Variants in STXBP5L observed in about 807,000 individuals in gnomAD.
The protein encoded by STXBP5L is syntaxin binding protein 5L, also known as syntaxin-binding protein 5-like.
In STXBP5L, 65 loss-of-function variants were observed where a neutral mutation model predicts 144.5. The observed-to-expected ratio is 0.45, with a 90% CI of 0.37 to 0.55. STXBP5L has a LOEUF of 0.55. Among genes scored for constraint, STXBP5L ranks in the 20% least tolerant of loss-of-function variants. The probability of loss-of-function intolerance (pLI) is 0.00; values close to 1 mark genes in which losing one functional copy is unlikely to be tolerated. For missense variants in STXBP5L, 1,298 were observed against 1,405.5 expected (o/e 0.92, Z 1.22); for synonymous variants, 505 against 469.6 (o/e 1.08, Z -0.97).
intron 2 of STXBP5L, among the ~76,000 whole-genome samples, chr3:120,920,676 A>G (rs916739614): frequency 2.0e-5 from 3 of 151,748 alleles, no homozygotes; most frequent in African/African-American, 7.2e-5. Context: ...GCCTCTGGCA[A>G]ACAATATACT....
In STXBP5L at chr3:121,114,914, C is replaced by T. The variant is rs754145577; in HGVS notation, c.471-11C>T. 6.8e-7 allele frequency: 1 copy of T among 1,470,328 alleles called. No individual in the cohort carries two copies. Among genetic ancestry groups the T allele is most frequent in the East Asian group, 2.6e-5 (1 of 38,980 alleles). The allele number at this position is 1,470,328 out of a possible 1,614,324, so 91.1% of individuals were successfully genotyped here. On this transcript the variant is annotated splice_polypyrimidine_tract_variant and intron_variant, in intron 5 of 26. Transcript: ENST00000471454. ...ATTTAGATATTTTAATTATAATTTT[C>T]TTTCTTTCAGAATTACTTACTGTCA...
chr3:121,020,157 G>A (rs1363918535), intron 3 of STXBP5L, among the ~76,000 whole-genome samples: 1 of 152,052 alleles, frequency 6.6e-6, no homozygotes, highest in Non-Finnish European at 1.5e-5. Flanking sequence ...CAATAATATT[G>A]AACAAGTAGA....
chr3:121,342,450 A>C (rs2044750676), intron 20 of STXBP5L, among the ~76,000 whole-genome samples: 1 of 150,438 alleles, frequency 6.6e-6, no homozygotes, highest in Non-Finnish European at 1.5e-5. Context: ...GCACCCATTA[A>C]CTCGTCATTT....
At chr3:121,097,564 G>T (rs1576946402) in intron 5 of STXBP5L, among the ~76,000 whole-genome samples, 1 of 152,124 alleles carries the variant, frequency 6.6e-6, no homozygotes, top group Non-Finnish European at 1.5e-5. Context: ...TTGGTTAGGG[G>T]AGAAAATTTC....
chr3:121,405,291 T>C (rs2046970724), intron 22 of STXBP5L, among the ~76,000 whole-genome samples: 1 of 152,160 alleles, frequency 6.6e-6, no homozygotes, highest in South Asian at 2.1e-4. Context: ...TTTTCAAGAA[T>C]TCCTATCTTC....
chr3:121,179,612 A>C (rs1047545722), intron 9 of STXBP5L, among the ~76,000 whole-genome samples: 2 of 152,196 alleles, frequency 1.3e-5, no homozygotes, highest in Non-Finnish European at 2.9e-5. Context: ...CAGATAAAGA[A>C]TTCAGATTGA....
chr3:121,373,762 T>A (rs1420299920), intron 20 of STXBP5L, among the ~76,000 whole-genome samples: 2 of 152,092 alleles, frequency 1.3e-5, no homozygotes, highest in African/African-American at 2.4e-5. Flanking sequence ...ATTGGGCCAT[T>A]TGGCTCACTA....
intron 9 of STXBP5L, among the ~76,000 whole-genome samples, chr3:121,172,314 C>T (rs2046754213): frequency 6.6e-6 from 1 of 152,166 alleles, no homozygotes; most frequent in African/African-American, 2.4e-5. Context: ...GCAATGGCAA[C>T]AAAAGGCAAA....
At chr3:121,406,019 A>C (rs1376456588) in intron 22 of STXBP5L, among the ~76,000 whole-genome samples, 1 of 152,082 alleles carries the variant, frequency 6.6e-6, no homozygotes, top group African/African-American at 2.4e-5. Flanking sequence ...GGTAGTTAGG[A>C]AAATGTGGTT....
chr3:121,091,293 C>G (rs2042777832), intron 5 of STXBP5L, among the ~76,000 whole-genome samples: 1 of 147,260 alleles, frequency 6.8e-6, no homozygotes, highest in Non-Finnish European at 1.5e-5. Context: ...GGTATATACC[C>G]AGTAATGGGA....
intron 9 of STXBP5L, among the ~76,000 whole-genome samples, chr3:121,183,115 A>G (rs74927086): frequency 0.019 from 2,918 of 152,310 alleles, 100 homozygotes; most frequent in African/African-American, 0.067. Flanking sequence ...GAAAACACTC[A>G]CAAAATTGGC....
Position 121,418,471 on chromosome 3 carries a change from G to A in STXBP5L, c.3361G>A (p.Glu1121Lys), listed in dbSNP as rs749755044. 1 of 1,614,018 alleles carries A rather than the reference G, an allele frequency of 6.2e-7. No homozygotes were observed. The highest frequency in any genetic ancestry group is 1.3e-5 in the African/African-American group (1 of 74,944). ...ELTRARIALD[E>K]RGQRLGELEE... ...GACCCGTGCACGGATTGCACTTGAT[G>A]AAAGAGGACAGAGGCTAGGAGAGCT... The change falls in exon 26 of 27, where the codon GAA becomes AAA. Residue 1121 changes from glutamate to lysine, a missense_variant. Physicochemically the swap from Glu to Lys is moderately conservative, Grantham distance 56 (BLOSUM62 1). Transcript: ENST00000471454.
intron 3 of STXBP5L, among the ~76,000 whole-genome samples, chr3:121,031,517 T>C (rs1946370283): frequency 6.6e-6 from 1 of 152,094 alleles, no homozygotes; most frequent in Admixed American, 6.6e-5. Flanking sequence ...CCAGGGATGA[T>C]TGATGTTGCT....
intron 3 of STXBP5L, among the ~76,000 whole-genome samples, chr3:120,997,936 A>C (rs1943477362): frequency 6.6e-6 from 1 of 152,234 alleles, no homozygotes; most frequent in African/African-American, 2.4e-5. Flanking sequence ...ACATATGCAA[A>C]TCAATAATTT....
chr3:121,107,173 T>C (rs906432180), intron 5 of STXBP5L, among the ~76,000 whole-genome samples: 1 of 151,782 alleles, frequency 6.6e-6, no homozygotes, highest in African/African-American at 2.4e-5. Flanking sequence ...ATTGCAAAAA[T>C]TTTCTCCCAT....
intron 22 of STXBP5L, among the ~76,000 whole-genome samples, chr3:121,404,144 C>T (rs2046945239): frequency 6.6e-6 from 1 of 151,890 alleles, no homozygotes; most frequent in South Asian, 2.1e-4. Context: ...TCCTGGTATT[C>T]CTCTCATTCC....
At chr3:121,345,156 C>T (rs369606529) in intron 20 of STXBP5L, among the ~76,000 whole-genome samples, 46 of 152,074 alleles carry the variant, frequency 3.0e-4, no homozygotes, top group African/African-American at 9.4e-4. Flanking sequence ...CTATCCCTCC[C>T]GCAGCCCCCC....
At position 121,421,583 on chromosome 3, in the gene STXBP5L, T is replaced by C. The variant is rs923741236; in HGVS notation, c.*2486T>C. 1 of 152,228 alleles carries C rather than the reference T, an allele frequency of 6.6e-6. No individual in the cohort carries two copies. The highest frequency in any genetic ancestry group is 1.5e-5 in the Non-Finnish European group (1 of 68,034). The allele number at this position is 152,228 out of a possible 1,614,324, so 9.4% of individuals were successfully genotyped here. A position where few individuals can be genotyped will look rare whatever the true frequency, so the allele number is the denominator to read the frequency against. On this transcript the variant is annotated 3_prime_UTR_variant, in exon 27 of 27. Coordinates refer to ENST00000471454, the MANE Select transcript of STXBP5L (RefSeq NM_001308330.2). ...TAATATATGTTGTTGTATAAAACTG[T>C]ACAATAAGTATACAATGTCTTAGCA...
At chr3:120,934,148 C>T (rs146326237) in intron 2 of STXBP5L, among the ~76,000 whole-genome samples, 56 of 146,472 alleles carry the variant, frequency 3.8e-4, no homozygotes, top group African/African-American at 1.3e-3. Flanking sequence ...CTCAGTTGTA[C>T]ATTCTGCCTG....
Sources: allele counts gnomAD v4.1 joint callset (sites outside exome capture counted in the v4.1 genomes callset), GRCh38; gene constraint gnomAD v4.1.1; transcripts MANE v1.5; gene names NCBI Gene and HGNC (gene_info 2026-07-23, HGNC 2026-07-21).